The following PAK6 variants were observed in gnomAD, a reference collection of about 807,000 sequenced individuals.
PAK6 encodes serine/threonine-protein kinase PAK 6.
A neutral mutation model predicts 60.8 loss-of-function variants in PAK6; 33 were observed. The ratio of observed to expected loss-of-function variants is 0.54; its 90% confidence interval spans 0.41 to 0.73. The LOEUF (loss-of-function observed/expected upper bound fraction) is 0.73. PAK6 is among the 30% of genes least tolerant of loss of function. The probability of loss-of-function intolerance (pLI) is 0.00; values close to 1 mark genes in which losing one functional copy is unlikely to be tolerated. For missense variants in PAK6, 845 were observed against 904.1 expected, an observed-to-expected ratio of 0.93 and a Z score of 0.84; for synonymous variants, 404 against 378.5, an observed-to-expected ratio of 1.07 and a Z score of -0.78.
At chr15:40,245,828 A>C (rs928748974) in intron 2 of PAK6, 1 of 151,934 alleles carries the variant, frequency 6.6e-6, no homozygotes, top group East Asian at 1.9e-4. Flanking sequence ...CTGAACCCCC[A>C]CCCCCGTGCT....
At chr15:40,255,210 G>A (rs745609173) in intron 3 of PAK6, among the ~76,000 whole-genome samples, 4 of 152,124 alleles carry the variant, frequency 2.6e-5, no homozygotes, top group African/African-American at 4.8e-5. Flanking sequence ...AGGGTAGGCC[G>A]GGCGCGGTGG....
intron 2 of PAK6, chr15:40,246,304 A>G (rs760726568): frequency 6.6e-6 from 1 of 152,216 alleles, no homozygotes; most frequent in Non-Finnish European, 1.5e-5. Context: ...CCAGGCAGAC[A>G]TTTACATGTC....
At chr15:40,273,268 T>G in intron 7 of PAK6, 78 bp from the exon 8 acceptor site, 2 of 1,536,124 alleles carry the variant, frequency 1.3e-6, no homozygotes, top group Non-Finnish European at 8.9e-7. Context: ...CACCAGGGAC[T>G]CCTACTCTGC....
chr15:40,257,738 G>A (rs2140965860), intron 3 of PAK6, among the ~76,000 whole-genome samples: 1 of 152,294 alleles, frequency 6.6e-6, no homozygotes, highest in Middle Eastern at 3.4e-3. Flanking sequence ...TGGTGGCCCT[G>A]GCATCCCAGG....
At chr15:40,248,827 T>C (rs553411242) in intron 2 of PAK6, among the ~76,000 whole-genome samples, 3 of 152,158 alleles carry the variant, frequency 2.0e-5, no homozygotes, top group Non-Finnish European at 4.4e-5. Context: ...AGTTGGTCTC[T>C]CCCCACTGCC....
At chr15:40,268,914 G>A (rs1277511293) in intron 5 of PAK6, among the ~76,000 whole-genome samples, 3 of 152,202 alleles carry the variant, frequency 2.0e-5, no homozygotes, top group African/African-American at 4.8e-5. Context: ...GGCGTCCTGC[G>A]GGTTCCAGTG....
chr15:40,271,730 G>A (rs1436748125), intron 5 of PAK6, among the ~76,000 whole-genome samples: 2 of 152,180 alleles, frequency 1.3e-5, no homozygotes, highest in African/African-American at 4.8e-5. Context: ...TCAGGGAGTG[G>A]AGACACAGTT....
intron 3 of PAK6, among the ~76,000 whole-genome samples, chr15:40,254,964 C>CAT (rs1411358483): frequency 6.6e-6 from 1 of 152,178 alleles, no homozygotes; most frequent in Non-Finnish European, 1.5e-5. Flanking sequence ...CAGCCCAACT[C>CAT]ACAATGGTGT....
At chr15:40,267,263 C>T (rs930736622) in intron 5 of PAK6, among the ~76,000 whole-genome samples, 1 of 152,108 alleles carries the variant, frequency 6.6e-6, no homozygotes, top group African/African-American at 2.4e-5. Flanking sequence ...CCCCTGTCAT[C>T]GGTGGGGTGA....
intron 3 of PAK6, among the ~76,000 whole-genome samples, chr15:40,258,103 T>C (rs2140966604): frequency 6.6e-6 from 1 of 152,246 alleles, no homozygotes; most frequent in South Asian, 2.1e-4. Context: ...ACTCACCCCT[T>C]GCTGAGTGGA....
chr15:40,260,326 CA>C (rs1382929447), intron 3 of PAK6: 2 of 152,140 alleles, frequency 1.3e-5, no homozygotes, highest in Non-Finnish European at 2.9e-5. Context: ...ATGCAGATAT[CA>C]AATTACTTCA....
At chr15:40,261,570 A>G (rs987936307) in intron 3 of PAK6, among the ~76,000 whole-genome samples, 1 of 152,098 alleles carries the variant, frequency 6.6e-6, no homozygotes, top group Non-Finnish European at 1.5e-5. Context: ...ACCTTGAATC[A>G]GGGACCTTCT....
intron 2 of PAK6, chr15:40,252,856 T>TCCCTCCGCGGGCGCC (rs1245877265): frequency 7.9e-7 from 1 of 1,261,394 alleles, no homozygotes; most frequent in Admixed American, 2.6e-5. Context: ...GAGCGGGACC[T>TCCCTCCGCGGGCGCC]CCCTCCGCGG....
chr15:40,272,200 C>G, intron 5 of PAK6, 24 bp from the exon 6 acceptor site: 1 of 1,592,676 alleles, frequency 6.3e-7, no homozygotes, highest in Non-Finnish European at 8.6e-7. Flanking sequence ...AGCCCTGACC[C>G]TTCCTGTTGC....
chr15:40,252,855 C>T, intron 2 of PAK6: 2 of 1,264,166 alleles, frequency 1.6e-6, no homozygotes, highest in South Asian at 2.6e-5. Context: ...GGAGCGGGAC[C>T]TCCCTCCGCG....
intron 2 of PAK6, among the ~76,000 whole-genome samples, chr15:40,241,604 C>A (rs1225349926): frequency 6.6e-6 from 1 of 152,194 alleles, no homozygotes; most frequent in African/African-American, 2.4e-5. Context: ...GGGTCGGCAC[C>A]AGAGGCAAGC....
upstream of PAK6, chr15:40,239,293 G>C (rs1429897587): frequency 6.6e-6 from 1 of 152,356 alleles, no homozygotes; most frequent in Non-Finnish European, 1.5e-5. Flanking sequence ...AGGCAGGTGG[G>C]GGAGGGCGCT....
At chr15:40,272,139 G>A in intron 5 of PAK6, 85 bp from the exon 6 acceptor site, 1 of 1,474,470 alleles carries the variant, frequency 6.8e-7, no homozygotes, top group Non-Finnish European at 9.2e-7. Flanking sequence ...GAGTCCAGAG[G>A]TCACGGCGGC....
chr15:40,249,250 C>T (rs1447118864), intron 2 of PAK6, among the ~76,000 whole-genome samples: 10 of 152,104 alleles, frequency 6.6e-5, no homozygotes, highest in Admixed American at 6.6e-4. Flanking sequence ...TCCTAATACC[C>T]TCATATTAGT....
Sources: gnomAD v4.1 joint callset for allele counts (sites outside exome capture counted in the v4.1 genomes callset) on GRCh38, gnomAD v4.1.1 for gene constraint, MANE v1.5 for transcripts, NCBI Gene and HGNC (gene_info 2026-07-23, HGNC 2026-07-21) for gene names.